Variants in PERCC1 observed in about 807,000 individuals in gnomAD.
PERCC1 encodes proline and glutamate rich with coiled coil 1, also known as protein PERCC1.
At chr16:1,431,940 T>G (rs1019953561) in intron 1 of PERCC1, among the ~76,000 whole-genome samples, 8 of 152,116 alleles carry the variant, frequency 5.3e-5, no homozygotes, top group Non-Finnish European at 8.8e-5. Context: ...CTTGGGACTG[T>G]GATGGCCGGA....
chr16:1,432,250 C>A (rs184185900), intron 1 of PERCC1, among the ~76,000 whole-genome samples: 2 of 152,130 alleles, frequency 1.3e-5, no homozygotes, highest in African/African-American at 4.8e-5. Context: ...CACGACAGGA[C>A]CCCACTGCTC....
rs1161029680 is a variant in PERCC1 at position 1,433,812 on chromosome 16, GC to G, written c.*418del. The stretch of plus-strand genomic sequence containing the variant: ...CCCACCGAACCCCTAGGACTAAGCG[GC>G]CCGGAACCTGTGGCCCCTCCCCTGA... On this transcript the variant is annotated 3_prime_UTR_variant, in exon 2 of 2. Coordinates refer to ENST00000640283, the MANE Select transcript of PERCC1 (RefSeq NM_001365310.2). Among the ~76,000 whole-genome samples the G allele has an allele frequency of 2.6e-5, 4 of 152,216 alleles. No individual in the cohort carries two copies. In the East Asian group the frequency reaches 7.7e-4, roughly 29 times the overall value.
intron 1 of PERCC1, 85 bp downstream of exon 1, chr16:1,431,193 C>T (rs2038444708): frequency 6.6e-6 from 1 of 152,362 alleles, no homozygotes; most frequent in South Asian, 2.1e-4. Context: ...CTGCCCAGGG[C>T]TCTGTGGGGA....
chr16:1,432,734 G>A lies in PERCC1; in HGVS notation c.141G>A (p.Glu47=). Residue 47 remains glutamate (E), a synonymous_variant, in exon 2 of 2, where the codon GAG becomes GAA. Transcript: ENST00000640283. Reference sequence around the variant, plus strand: ...AGGAGGAGGAGGAGGAGGAGGAGGAGGGCGAGGGCGAGGGGCTGGGGGGCT... The same window carrying A: ...AGGAGGAGGAGGAGGAGGAGGAGGAAGGCGAGGGCGAGGGGCTGGGGGGCT... ...EEEEEEEEEE[E]GEGEGLGGCG... The A allele has an allele frequency of 5.0e-6, 2 of 398,650 alleles. No homozygotes were observed. Among genetic ancestry groups the A allele is most frequent in the African/African-American group, 4.1e-5 (2 of 48,348 alleles). The allele number at this position is 398,650 out of a possible 1,614,324, so 24.7% of individuals were successfully genotyped here. A position where few individuals can be genotyped will look rare whatever the true frequency, so the allele number is the denominator to read the frequency against.
At position 1,432,799 on chromosome 16, in the gene PERCC1, C is replaced by A; in HGVS notation, c.206C>A (p.Thr69Lys). 2.5e-6 allele frequency: 1 copy of A among 398,656 alleles called. No individual in the cohort carries two copies. The highest frequency in any genetic ancestry group is 4.4e-6 in the Non-Finnish European group (1 of 226,020). The allele number at this position is 398,656 out of a possible 1,614,324, so 24.7% of individuals were successfully genotyped here. A position where few individuals can be genotyped will look rare whatever the true frequency, so the allele number is the denominator to read the frequency against. Residue 69 changes from threonine to lysine, a missense_variant, in exon 2 of 2, where the codon ACG becomes AAG. By Grantham distance (78) the Thr-to-Lys change is moderately conservative. Transcript: ENST00000640283. ...ILPSSGRAEA[T>K]EEAAPEGPGS... is the part of the protein sequence containing the mutation. ...CCGAGCTCAGGCCGGGCAGAGGCCA[C>A]GGAGGAAGCAGCCCCCGAGGGTCCC... is the stretch of plus-strand genomic sequence containing the variant.
At position 1,432,801 on chromosome 16, in the gene PERCC1, G is replaced by A. The variant is rs987503970; in HGVS notation, c.208G>A (p.Glu70Lys). ...LPSSGRAEAT[E>K]EAAPEGPGSP... ...GAGCTCAGGCCGGGCAGAGGCCACG[G>A]AGGAAGCAGCCCCCGAGGGTCCCGG... is the stretch of plus-strand genomic sequence containing the variant. Residue 70 changes from glutamate (E) to lysine (K), a missense_variant, in exon 2 of 2, where the codon GAG becomes AAG. Physicochemically the swap from Glu to Lys is moderately conservative, Grantham distance 56. Coordinates refer to ENST00000640283, the MANE Select transcript of PERCC1 (RefSeq NM_001365310.2). The A allele has an allele frequency of 5.5e-5, 22 of 398,704 alleles. No individual in the cohort carries two copies. The highest frequency in any genetic ancestry group is 3.5e-4 in the African/African-American group (17 of 48,740). The allele number at this position is 398,704 out of a possible 1,614,324, so 24.7% of individuals were successfully genotyped here.
rs2142348963 is a variant in PERCC1, at chr16:1,434,265, G to A, written c.*868G>A. ...GGGCAGGACAGGAAGAGTCATGGGG[G>A]TCAAGAGACTGGGTCCCTCCAAGCT... is the stretch of plus-strand genomic sequence containing the variant. On this transcript the variant is annotated 3_prime_UTR_variant, in exon 2 of 2. Transcript: ENST00000640283. 2.1e-6 allele frequency: 2 copies of A among 947,060 alleles called. No individual in the cohort carries two copies. The highest frequency in any genetic ancestry group is 2.7e-5 in the East Asian group (1 of 37,530). 58.7% of individuals were successfully genotyped at this position (947,060 alleles called of 1,614,324 possible). A position where few individuals can be genotyped will look rare whatever the true frequency, so the allele number is the denominator to read the frequency against.
At chr16:1,431,864 C>G (rs4984837) in intron 1 of PERCC1, among the ~76,000 whole-genome samples, 138,391 of 152,236 alleles carry the variant, frequency 0.91, 62,981 homozygotes, top group East Asian at 1. Flanking sequence ...GGACCTCCCA[C>G]CCCAGCCGCC....
In PERCC1 at chr16:1,433,255, C is replaced by T. The variant is rs1040286290; in HGVS notation, c.662C>T (p.Pro221Leu). 3.0e-5 allele frequency: 12 copies of T among 398,840 alleles called. No homozygotes were observed. Among genetic ancestry groups the T allele is most frequent in the African/African-American group, 4.1e-5 (2 of 48,746 alleles). The allele number at this position is 398,840 out of a possible 1,614,324, so 24.7% of individuals were successfully genotyped here. The change falls in exon 2 of 2, where the codon CCG becomes CTG. Residue 221 changes from proline to leucine, a missense_variant. By Grantham distance (98) the Pro-to-Leu change is moderately conservative. Coordinates refer to ENST00000640283, the MANE Select transcript of PERCC1 (RefSeq NM_001365310.2). ...RKLPPSFWKE[P>L]TPSPLGLLHP... is the part of the protein sequence containing the mutation. ...CTGCCCCCATCCTTCTGGAAGGAGCCGACCCCTAGCCCCCTGGGCCTGCTG... is the reference window on the plus strand; with the variant it reads ...CTGCCCCCATCCTTCTGGAAGGAGCTGACCCCTAGCCCCCTGGGCCTGCTG...
chr16:1,431,515 C>T (rs1173868648), intron 1 of PERCC1, among the ~76,000 whole-genome samples: 1 of 151,974 alleles, frequency 6.6e-6, no homozygotes, highest in African/African-American at 2.4e-5. Context: ...CACAGTCCTG[C>T]CCGCTCCCCA....
Position 1,432,960 on chromosome 16 carries a change from C to T in PERCC1, c.367C>T (p.Arg123Cys), listed in dbSNP as rs923830649. 95 of 398,848 alleles carry T rather than the reference C, an allele frequency of 2.4e-4. No homozygotes were observed. Among genetic ancestry groups the T allele is most frequent in the African/African-American group, 1.6e-4 (8 of 48,626 alleles). 24.7% of individuals were successfully genotyped at this position (398,848 alleles called of 1,614,324 possible). Residue 123 changes from arginine to cysteine, a missense_variant, in exon 2 of 2, where the codon CGC becomes TGC. Arg to Cys is a radical substitution (Grantham distance 180). Coordinates refer to ENST00000640283, the MANE Select transcript of PERCC1 (RefSeq NM_001365310.2). Reference sequence around the variant, plus strand: ...CGTCTACGCCGACAGCCGCCCACCCCGCAGCACTGCCCGGGAGCTCTACTA... The same window carrying T: ...CGTCTACGCCGACAGCCGCCCACCCTGCAGCACTGCCCGGGAGCTCTACTA... ...CDVYADSRPP[R>C]STARELYYAD...
intron 1 of PERCC1, 57 bp from the exon 2 acceptor site, chr16:1,432,490 G>T (rs2038456929): frequency 2.5e-6 from 1 of 398,248 alleles, no homozygotes; most frequent in African/African-American, 2.1e-5. Context: ...GCAGTCGAGG[G>T]CGGCGGGGGC....
chr16:1,431,282 T>C (rs997541232), intron 1 of PERCC1, among the ~76,000 whole-genome samples, 174 bp downstream of exon 1: 4 of 151,982 alleles, frequency 2.6e-5, no homozygotes, highest in African/African-American at 9.7e-5. Context: ...CAGGCCGCCA[T>C]GGGAGGGCAC....
At position 1,434,242 on chromosome 16, in the gene PERCC1, G is replaced by T; in HGVS notation, c.*845G>T. 1 of 757,744 alleles carries T rather than the reference G, an allele frequency of 1.3e-6. No homozygotes were observed. The highest frequency in any genetic ancestry group is 2.1e-6 in the Non-Finnish European group (1 of 485,938). 46.9% of individuals were successfully genotyped at this position (757,744 alleles called of 1,614,324 possible). A position where few individuals can be genotyped will look rare whatever the true frequency, so the allele number is the denominator to read the frequency against. On this transcript the variant is annotated 3_prime_UTR_variant, in exon 2 of 2. Coordinates refer to ENST00000640283, the MANE Select transcript of PERCC1 (RefSeq NM_001365310.2). ...CAGCCTGAAGCCGGGCTGGGTTTGG[G>T]CAGGACAGGAAGAGTCATGGGGGTC... is the stretch of plus-strand genomic sequence containing the variant.
rs1236240188 is a variant in PERCC1, at chr16:1,433,183, C to T, written c.590C>T (p.Thr197Met). 8 of 398,522 alleles carry T rather than the reference C, an allele frequency of 2.0e-5. No individual in the cohort carries two copies. Among genetic ancestry groups the T allele is most frequent in the Non-Finnish European group, 3.5e-5 (8 of 226,076 alleles). 24.7% of individuals were successfully genotyped at this position (398,522 alleles called of 1,614,324 possible). ...GSRAAAGWSL[T>M]LERKYGHITP... ...AGGGCAGCGGCCGGCTGGAGCCTGA[C>T]GCTGGAGCGGAAGTACGGCCACATC... Residue 197 changes from threonine to methionine, a missense_variant, in exon 2 of 2, where the codon ACG becomes ATG. Physicochemically the swap from Thr to Met is moderately conservative, Grantham distance 81. Coordinates refer to ENST00000640283, the MANE Select transcript of PERCC1 (RefSeq NM_001365310.2).
chr16:1,431,829 T>C (rs1036282934), intron 1 of PERCC1, among the ~76,000 whole-genome samples: 4 of 152,090 alleles, frequency 2.6e-5, no homozygotes, highest in Admixed American at 6.5e-5. Flanking sequence ...CCAGGTGCAG[T>C]GGCCCCTGGA....
rs992415066 is a variant in PERCC1, at chr16:1,433,170, G to A, written c.577G>A (p.Gly193Ser). ...QQYWGSRAAAGWSLTLERKYG... is the reference protein window; with the variant it reads ...QQYWGSRAAASWSLTLERKYG... ...GTACTGGGGGTCCAGGGCAGCGGCC[G>A]GCTGGAGCCTGACGCTGGAGCGGAA... The change falls in exon 2 of 2, where the codon GGC (glycine) becomes AGC (serine). Residue 193 changes from glycine to serine, a missense_variant. Physicochemically the swap from Gly to Ser is moderately conservative, Grantham distance 56. Coordinates refer to ENST00000640283, the MANE Select transcript of PERCC1 (RefSeq NM_001365310.2). 65 of 398,494 alleles carry A rather than the reference G, an allele frequency of 1.6e-4. No individual in the cohort carries two copies. Among genetic ancestry groups the A allele is most frequent in the Admixed American group, 1.1e-3 (26 of 22,718 alleles). The allele number at this position is 398,494 out of a possible 1,614,324, so 24.7% of individuals were successfully genotyped here.
intron 1 of PERCC1, among the ~76,000 whole-genome samples, chr16:1,432,238 CCCA>C (rs1394103439): frequency 2.0e-5 from 3 of 152,200 alleles, no homozygotes; most frequent in African/African-American, 4.8e-5. Flanking sequence ...CCAACTGCCC[CCCA>C]CGACAGGACC....
chr16:1,431,783 G>A (rs1023166858), intron 1 of PERCC1, among the ~76,000 whole-genome samples: 2 of 152,090 alleles, frequency 1.3e-5, no homozygotes, highest in Non-Finnish European at 1.5e-5. Context: ...CTCCTGCCAG[G>A]CCCCTGACCC....
Sources: gnomAD v4.1 joint callset for allele counts (sites outside exome capture counted in the v4.1 genomes callset) on GRCh38, gnomAD v4.1.1 for gene constraint, MANE v1.5 for transcripts, NCBI Gene and HGNC (gene_info 2026-07-23, HGNC 2026-07-21) for gene names.